The following GRM1 variants were observed in gnomAD, a reference collection of about 807,000 sequenced individuals.
GRM1 encodes glutamate metabotropic receptor 1, also known as metabotropic glutamate receptor 1.
Under a neutral mutation model 90.9 loss-of-function variants are expected in GRM1, and 33 were observed. The ratio of observed to expected loss-of-function variants is 0.36; its 90% CI spans 0.28 to 0.49. The LOEUF (loss-of-function observed/expected upper bound fraction) is 0.49, where lower values mean the gene tolerates loss of function less well. Ranked by LOEUF, GRM1 falls within the 20% of genes least tolerant of loss-of-function variation. The pLI is 0.99. For synonymous variants in GRM1, 700 were observed against 613.2 expected, an observed-to-expected ratio of 1.14 and a Z score of -2.09; for missense variants, 1,190 against 1,534.3, an observed-to-expected ratio of 0.78 and a Z score of 3.75.
At chr6:146,370,995 CTA>C (rs575824470) in intron 5 of GRM1, among the ~76,000 whole-genome samples, 405 of 152,140 alleles carry the variant, frequency 2.7e-3, no homozygotes, top group Non-Finnish European at 4.7e-3. Context: ...TTATGTAGTT[CTA>C]TGTCTCTTTT....
chr6:146,034,035 G>A (rs987439678), intron 1 of GRM1, among the ~76,000 whole-genome samples: 4 of 152,012 alleles, frequency 2.6e-5, no homozygotes, highest in African/African-American at 9.7e-5. Context: ...GTTTTGAAAG[G>A]TTATTCAGGC....
At chr6:146,129,544 C>G (rs1291731712) in intron 1 of GRM1, among the ~76,000 whole-genome samples, 1 of 152,162 alleles carries the variant, frequency 6.6e-6, no homozygotes, top group East Asian at 1.9e-4. Flanking sequence ...TGAGAGGCTG[C>G]ACAGAGCAAC....
At chr6:146,233,446 C>T (rs923070700) in intron 2 of GRM1, among the ~76,000 whole-genome samples, 6 of 152,002 alleles carry the variant, frequency 3.9e-5, no homozygotes, top group African/African-American at 9.7e-5. Context: ...GACTGTTGAA[C>T]ATTTACTATG....
At chr6:146,250,219 A>G (rs954151573) in intron 2 of GRM1, among the ~76,000 whole-genome samples, 3 of 152,202 alleles carry the variant, frequency 2.0e-5, no homozygotes, top group African/African-American at 7.2e-5. Context: ...TTGGGAAGGC[A>G]TGATTGGCTT....
chr6:146,203,826 C>T (rs534464479), intron 2 of GRM1, among the ~76,000 whole-genome samples: 4 of 152,306 alleles, frequency 2.6e-5, no homozygotes, highest in Admixed American at 2.6e-4. Flanking sequence ...TTATGAAAAA[C>T]TTTATCTCTC....
intron 1 of GRM1, among the ~76,000 whole-genome samples, chr6:146,121,058 G>A (rs957451567): frequency 9.2e-5 from 14 of 152,054 alleles, no homozygotes; most frequent in South Asian, 4.1e-4. Flanking sequence ...CTGTGAATCC[G>A]TCTCGTCCTG....
chr6:146,274,740 A>T (rs928286479), intron 2 of GRM1, among the ~76,000 whole-genome samples: 14 of 152,232 alleles, frequency 9.2e-5, no homozygotes, highest in African/African-American at 3.1e-4. Context: ...GAATGAAGAA[A>T]ACAGAGGATA....
chr6:146,195,134 A>G (rs1175659655), intron 2 of GRM1, among the ~76,000 whole-genome samples: 1 of 152,200 alleles, frequency 6.6e-6, no homozygotes, highest in Non-Finnish European at 1.5e-5. Flanking sequence ...AATGATTTGA[A>G]TATGAAAGCA....
chr6:146,227,905 T>C (rs892604673), intron 2 of GRM1, among the ~76,000 whole-genome samples: 1 of 152,180 alleles, frequency 6.6e-6, no homozygotes, highest in Non-Finnish European at 1.5e-5. Context: ...ATTTATTCAG[T>C]TTTAGAGGGC....
At chr6:146,072,928 A>G (rs1310058584) in intron 1 of GRM1, among the ~76,000 whole-genome samples, 1 of 152,130 alleles carries the variant, frequency 6.6e-6, no homozygotes, top group East Asian at 1.9e-4. Flanking sequence ...CAACCAAATT[A>G]CTATTTAGTG....
chr6:146,225,128 G>A (rs571530024), intron 2 of GRM1, among the ~76,000 whole-genome samples: 91 of 152,140 alleles, frequency 6.0e-4, no homozygotes, highest in Admixed American at 2.8e-3. Context: ...CTTGTTTTTC[G>A]TTTTGTATGA....
At chr6:146,126,249 T>A (rs1303089828) in intron 1 of GRM1, among the ~76,000 whole-genome samples, 1 of 152,086 alleles carries the variant, frequency 6.6e-6, no homozygotes, top group Non-Finnish European at 1.5e-5. Flanking sequence ...CTTTTATTTG[T>A]GATTATGAAC....
At chr6:146,164,924 C>T (rs1777855764) in intron 2 of GRM1, among the ~76,000 whole-genome samples, 1 of 151,712 alleles carries the variant, frequency 6.6e-6, no homozygotes, top group African/African-American at 2.4e-5. Flanking sequence ...TGGATTCTGA[C>T]TACATCTTTT....
intron 1 of GRM1, among the ~76,000 whole-genome samples, chr6:146,117,410 C>A (rs1775792631): frequency 6.6e-6 from 1 of 151,826 alleles, no homozygotes; most frequent in Non-Finnish European, 1.5e-5. Context: ...TCTTACCTTT[C>A]TGTAACATTT....
intron 1 of GRM1, among the ~76,000 whole-genome samples, chr6:146,112,278 CT>C (rs906127268): frequency 7.0e-6 from 1 of 142,434 alleles, no homozygotes; most frequent in Non-Finnish European, 1.5e-5. Flanking sequence ...GTATGATTAT[CT>C]AAAAAAAAAA....
intron 2 of GRM1, among the ~76,000 whole-genome samples, chr6:146,261,739 C>T (rs1781702132): frequency 6.6e-6 from 1 of 151,814 alleles, no homozygotes; most frequent in Admixed American, 6.6e-5. Context: ...GAACTGCTGG[C>T]ATGGATGATC....
intron 3 of GRM1, among the ~76,000 whole-genome samples, chr6:146,346,560 G>A (rs1048084908): frequency 6.6e-6 from 1 of 152,166 alleles, no homozygotes; most frequent in Admixed American, 6.5e-5. Context: ...CACAGGCAAG[G>A]CTAGACAGTT....
intron 2 of GRM1, among the ~76,000 whole-genome samples, chr6:146,266,451 G>T (rs2114806466): frequency 6.6e-6 from 1 of 151,572 alleles, no homozygotes; most frequent in Admixed American, 6.6e-5. Flanking sequence ...GTCTTAATTA[G>T]TTCCATCATA....
intron 3 of GRM1, among the ~76,000 whole-genome samples, chr6:146,313,951 A>G (rs1413419275): frequency 2.0e-5 from 3 of 151,000 alleles, no homozygotes; most frequent in East Asian, 2.0e-4. Context: ...TTGAATTTTT[A>G]TAAAAGAGTA....
Sources: gnomAD v4.1 joint callset for allele counts (sites outside exome capture counted in the v4.1 genomes callset) on GRCh38, gnomAD v4.1.1 for gene constraint, MANE v1.5 for transcripts, NCBI Gene and HGNC (gene_info 2026-07-23, HGNC 2026-07-21) for gene names.